Variants in DTNA observed in about 807,000 individuals in gnomAD.
DTNA encodes dystrophin-related protein 3.
Under a neutral mutation model 100.7 loss-of-function variants are expected in DTNA, and 43 were observed. The ratio of observed to expected loss-of-function variants is 0.43; its 90% confidence interval spans 0.33 to 0.55. The LOEUF (loss-of-function observed/expected upper bound fraction) is 0.55, where lower values mean the gene tolerates loss of function less well. Among genes scored for constraint, DTNA ranks in the 20% least tolerant of loss-of-function variants. DTNA has a pLI of 0.04. For missense variants in DTNA, 798 were observed against 953.9 expected (o/e 0.84, Z 2.15); for synonymous variants, 349 against 347.9 (o/e 1.00, Z -0.04).
intron 8 of DTNA, among the ~76,000 whole-genome samples, chr18:34,819,371 A>C (rs2149427445): frequency 6.6e-6 from 1 of 152,324 alleles, no homozygotes; most frequent in African/African-American, 2.4e-5. Flanking sequence ...TCACTAAGGA[A>C]GAGTATACTG....
chr18:34,589,475 G>C (rs2049472969), intron 1 of DTNA, among the ~76,000 whole-genome samples: 1 of 152,032 alleles, frequency 6.6e-6, no homozygotes, highest in Admixed American at 6.6e-5. Flanking sequence ...TGGGCGTGGT[G>C]GTGGGCACCT....
At position 34,664,156 on chromosome 18, in the gene DTNA, T is replaced by C. The variant is rs77356751; in HGVS notation, c.-1-91820T>C. On this transcript the variant is annotated intron_variant, in intron 1 of 19. Transcript: ENST00000283365. ...CTACAAGTCTATGTGAGCCTGGAGTTTCTTCATATTTGTCAACCAAAACAT... is the reference window on the plus strand; with the variant it reads ...CTACAAGTCTATGTGAGCCTGGAGTCTCTTCATATTTGTCAACCAAAACAT... 8.5e-3 allele frequency among the ~76,000 whole-genome samples: 1,290 copies of C among 152,212 alleles called. 20 individuals carry two copies. The highest frequency in any genetic ancestry group is 0.029 in the African/African-American group (1,211 of 41,558).
intron 1 of DTNA, among the ~76,000 whole-genome samples, chr18:34,747,892 T>C (rs2091852874): frequency 6.6e-6 from 1 of 152,148 alleles, no homozygotes; most frequent in African/African-American, 2.4e-5. Flanking sequence ...CTCCATAGTG[T>C]TTTCCATAGT....
At chr18:34,555,874 T>C (rs1287647060) in intron 1 of DTNA, among the ~76,000 whole-genome samples, 3 of 152,176 alleles carry the variant, frequency 2.0e-5, no homozygotes, top group African/African-American at 7.2e-5. Context: ...AGTTCTTAGA[T>C]GTCTATTAGG....
intron 1 of DTNA, among the ~76,000 whole-genome samples, chr18:34,599,289 A>G (rs946786907): frequency 6.6e-6 from 1 of 152,234 alleles, no homozygotes; most frequent in African/African-American, 2.4e-5. Context: ...TCTTCATCGC[A>G]AAATATGAAA....
intron 1 of DTNA, among the ~76,000 whole-genome samples, chr18:34,541,873 G>A (rs993857133): frequency 6.6e-6 from 1 of 152,020 alleles, no homozygotes; most frequent in East Asian, 1.9e-4. Context: ...GAGTAAAAAA[G>A]CTGCAAGGTG....
intron 1 of DTNA, among the ~76,000 whole-genome samples, chr18:34,538,311 A>G (rs539856952): frequency 2.0e-5 from 3 of 152,180 alleles, no homozygotes; most frequent in African/African-American, 7.2e-5. Context: ...ACTGTTTTAT[A>G]TATGTCCTGA....
Position 34,888,095 on chromosome 18 carries a change from A to G in DTNA, c.*361A>G, listed in dbSNP as rs181083183. ...TAAAAAGCAAACAAACACAGGCTGA[A>G]AACCCATGCTGCTGTTATACACAAT... On this transcript the variant is annotated 3_prime_UTR_variant, in exon 23 of 23. Transcript: ENST00000444659. 1,132 of 985,934 alleles carry G rather than the reference A, an allele frequency of 1.1e-3. 1 individual carries two copies. The highest frequency in any genetic ancestry group is 3.3e-3 in the Admixed American group (53 of 16,296). 61.1% of individuals were successfully genotyped at this position (985,934 alleles called of 1,614,324 possible).
chr18:34,707,029 G>A (rs975155038), upstream of DTNA, among the ~76,000 whole-genome samples: 9 of 152,116 alleles, frequency 5.9e-5, no homozygotes, highest in Admixed American at 5.9e-4. Flanking sequence ...ACTATGATGT[G>A]AAAATTGCAT....
At chr18:34,786,767 A>T (rs2094524012) in intron 3 of DTNA, among the ~76,000 whole-genome samples, 1 of 152,204 alleles carries the variant, frequency 6.6e-6, no homozygotes, top group African/African-American at 2.4e-5. Flanking sequence ...TAATGCAATG[A>T]GTGACCTTCT....
At chr18:34,856,519 A>G (rs1350216705) in intron 15 of DTNA, among the ~76,000 whole-genome samples, 1 of 152,194 alleles carries the variant, frequency 6.6e-6, no homozygotes, top group Non-Finnish European at 1.5e-5. Context: ...ATTATATTGT[A>G]TGGGTCACAG....
In DTNA at chr18:34,866,488, C is replaced by G. The variant is rs931121531; in HGVS notation, c.1743+2426C>G. The stretch of plus-strand genomic sequence containing the variant: ...TCTCTTAACAGAGAGATACCACAGT[C>G]ACTAGAGATACCCTGAGGTTCATGT... On this transcript the variant is annotated intron_variant, in intron 17 of 22. Coordinates refer to ENST00000444659, the MANE Select transcript of DTNA (RefSeq NM_001386795.1). 8 of 1,193,056 alleles carry G rather than the reference C, an allele frequency of 6.7e-6. No homozygotes were observed. In the African/African-American group the frequency reaches 1.3e-4, roughly 19 times the overall value. 73.9% of individuals were successfully genotyped at this position (1,193,056 alleles called of 1,614,324 possible).
chr18:34,751,543 T>G (rs1028189461), intron 1 of DTNA, among the ~76,000 whole-genome samples: 1 of 152,196 alleles, frequency 6.6e-6, no homozygotes, highest in Non-Finnish European at 1.5e-5. Flanking sequence ...CCACTCACAC[T>G]TGCACCCAGC....
At chr18:34,778,809 T>C (rs2094182006) in intron 3 of DTNA, among the ~76,000 whole-genome samples, 2 of 149,672 alleles carry the variant, frequency 1.3e-5, no homozygotes, top group Admixed American at 1.3e-4. Context: ...AGGGAAAGTT[T>C]GTTGTTGTTG....
chr18:34,842,027 A>G (rs2096277579), intron 13 of DTNA, among the ~76,000 whole-genome samples: 1 of 152,150 alleles, frequency 6.6e-6, no homozygotes, highest in Non-Finnish European at 1.5e-5. Context: ...AGCCTTAATA[A>G]TTTGTATGCA....
In DTNA at chr18:34,890,270, G is replaced by T; in HGVS notation, c.*2536G>T. ...AAACTGCCGCCAATGACCAATTTCT[G>T]ACTAACCAGCCACCTTTTCTCTCTC... is the stretch of plus-strand genomic sequence containing the variant. On this transcript the variant is annotated 3_prime_UTR_variant, in exon 23 of 23. Transcript: ENST00000444659. The T allele has an allele frequency of 6.5e-7, 1 of 1,527,310 alleles. No individual in the cohort carries two copies. Among genetic ancestry groups the T allele is most frequent in the Non-Finnish European group, 8.8e-7 (1 of 1,141,296 alleles). 94.6% of individuals were successfully genotyped at this position (1,527,310 alleles called of 1,614,324 possible). A position where few individuals can be genotyped will look rare whatever the true frequency, so the allele number is the denominator to read the frequency against.
chr18:34,686,964 G>A (rs918859477), intron 1 of DTNA, among the ~76,000 whole-genome samples: 4 of 152,070 alleles, frequency 2.6e-5, no homozygotes, highest in African/African-American at 9.7e-5. Context: ...ATTGTAGTTT[G>A]CATTTCTGTG....
chr18:34,865,568 T>A (rs1365380455), intron 17 of DTNA, among the ~76,000 whole-genome samples: 1 of 152,240 alleles, frequency 6.6e-6, no homozygotes, highest in Non-Finnish European at 1.5e-5. Flanking sequence ...CTTGTTGATC[T>A]ATCTTGGGTA....
Position 34,888,783 on chromosome 18 carries a change from G to C in DTNA, c.*1049G>C. ...CTTTAACAGCACCGCTCGTTCACAA[G>C]TTCCCCCATCAAGTTGTTTGGAGGC... On this transcript the variant is annotated 3_prime_UTR_variant, in exon 23 of 23. Transcript: ENST00000444659. 1 of 985,864 alleles carries C rather than the reference G, an allele frequency of 1.0e-6. No individual in the cohort carries two copies. Among genetic ancestry groups the C allele is most frequent in the African/African-American group, 1.7e-5 (1 of 57,350 alleles). 61.1% of individuals were successfully genotyped at this position (985,864 alleles called of 1,614,324 possible).
Sources: gnomAD v4.1 joint callset for allele counts (sites outside exome capture counted in the v4.1 genomes callset) on GRCh38, gnomAD v4.1.1 for gene constraint, MANE v1.5 for transcripts, NCBI Gene and HGNC (gene_info 2026-07-23, HGNC 2026-07-21) for gene names.